The following SCN10A variants were observed in gnomAD, a reference collection of about 807,000 sequenced individuals.
SCN10A encodes the protein sodium channel protein type 10 subunit alpha.
Under a neutral mutation model 170.7 loss-of-function variants are expected in SCN10A, and 162 were observed. That is an observed-to-expected ratio of 0.95 (90% confidence interval 0.84 to 1.08). The LOEUF is 1.08. SCN10A is among the 50% of genes least tolerant of loss of function. SCN10A has a pLI of 0.00. For missense variants in SCN10A, 2,527 were observed against 2,436.9 expected (o/e 1.04, Z -0.78); for synonymous variants, 985 against 904.6 (o/e 1.09, Z -1.59).
At chr3:38,814,067 G>C (rs892697784) in intron 1 of SCN10A, among the ~76,000 whole-genome samples, 2 of 152,150 alleles carry the variant, frequency 1.3e-5, no homozygotes, top group African/African-American at 4.8e-5. Context: ...TCTAAAATGA[G>C]ACATGCACCA....
chr3:38,697,930 G>C lies in SCN10A; in HGVS notation c.5290C>G (p.Leu1764Val), dbSNP rs765298863. The C allele has an allele frequency of 3.7e-6, 6 of 1,614,048 alleles. No homozygotes were observed. The highest frequency in any genetic ancestry group is 5.1e-6 in the Non-Finnish European group (6 of 1,180,044). Residue 1764 changes from leucine (L) to valine (V), a missense_variant, in exon 28 of 28, where the codon CTC becomes GTC. Physicochemically the swap from Leu to Val is conservative, Grantham distance 32. Transcript: ENST00000449082. The part of the protein sequence containing the change: ...EATQFITFSA[L>V]SDFADTLSGP... ...GAGAGAGTGTCTGCAAAGTCCGAGA[G>C]AGCAGAAAAGGTAATAAACTGAGTG...
chr3:38,796,367 CCA>C (rs2064341870), intron 1 of SCN10A, among the ~76,000 whole-genome samples: 1 of 152,150 alleles, frequency 6.6e-6, no homozygotes, highest in African/African-American at 2.4e-5. Context: ...TACTGCTGGT[CCA>C]ATCACTGTCA....
intron 1 of SCN10A, among the ~76,000 whole-genome samples, chr3:38,810,593 C>T (rs1184460893): frequency 6.6e-6 from 1 of 152,158 alleles, no homozygotes; most frequent in Non-Finnish European, 1.5e-5. Flanking sequence ...TAGTTTATTT[C>T]TTTCCTGGCA....
At chr3:38,737,798 C>CTCTTTCTTTT (rs1553618374) in intron 15 of SCN10A, among the ~76,000 whole-genome samples, 1 of 93,626 alleles carries the variant, frequency 1.1e-5, no homozygotes, top group Non-Finnish European at 2.0e-5. Context: ...CCCTCCCTTC[C>CTCTTTCTTTT]TCTTTCTTTC....
At chr3:38,781,413 T>C (rs2064137285) in intron 4 of SCN10A, among the ~76,000 whole-genome samples, 1 of 152,068 alleles carries the variant, frequency 6.6e-6, no homozygotes, top group Non-Finnish European at 1.5e-5. Flanking sequence ...CTGGCATTGG[T>C]CAACAGAAAG....
chr3:38,725,152 T>C (rs1575959290), intron 18 of SCN10A, 22 bp downstream of exon 18: 1 of 1,567,046 alleles, frequency 6.4e-7, no homozygotes, highest in South Asian at 1.2e-5. Context: ...GTCCAACCTC[T>C]CCAGGAAGCT....
In SCN10A at chr3:38,746,073, A is replaced by ATGTGTG. The variant is rs1553619569; in HGVS notation, c.1868-3545_1868-3544insCACACA. 1.9e-3 allele frequency among the ~76,000 whole-genome samples: 180 copies of ATGTGTG among 94,864 alleles called. 6 individuals are homozygous for ATGTGTG. Among genetic ancestry groups the ATGTGTG allele is most frequent in the African/African-American group, 6.0e-3 (169 of 28,058 alleles). The allele number at this position is 94,864 out of a possible 152,430, so 62.2% of individuals were successfully genotyped here. ...TATGTGTGTGTATGTGTATATATAT[A>ATGTGTG]TATATATATATATATATATATATAT... On this transcript the variant is annotated intron_variant, in intron 13 of 27. Transcript: ENST00000449082.
intron 1 of SCN10A, among the ~76,000 whole-genome samples, chr3:38,805,163 G>T (rs1189404184): frequency 1.3e-5 from 2 of 152,110 alleles, no homozygotes; most frequent in African/African-American, 4.8e-5. Flanking sequence ...TTATCTGCAT[G>T]GTATGACTTA....
intron 8 of SCN10A, among the ~76,000 whole-genome samples, chr3:38,757,810 C>T (rs1228959764): frequency 1.3e-5 from 2 of 152,058 alleles, no homozygotes; most frequent in African/African-American, 4.8e-5. Context: ...CTGAAGATGG[C>T]CTATGAAGGA....
In SCN10A at chr3:38,763,529, A is replaced by G. The variant is rs1176532195; in HGVS notation, c.667T>C (p.Leu223=). 2 of 1,614,008 alleles carry G rather than the reference A, an allele frequency of 1.2e-6. No individual in the cohort carries two copies. Among genetic ancestry groups the G allele is most frequent in the South Asian group, 2.2e-5 (2 of 91,078 alleles). ...CCTGGGATCACAGAAACTGTTTTTAATGCTCTAAGAACTCTGAATGTCCGC... is the reference window on the plus strand; with the variant it reads ...CCTGGGATCACAGAAACTGTTTTTAGTGCTCTAAGAACTCTGAATGTCCGC... ...GLRTFRVLRA[L]KTVSVIPGLK... Residue 223 remains leucine (L), a synonymous_variant, in exon 6 of 28, where the codon TTA becomes CTA. Coordinates refer to ENST00000449082, the MANE Select transcript of SCN10A (RefSeq NM_006514.4).
At chr3:38,786,396 C>T (rs1232123968) in intron 4 of SCN10A, among the ~76,000 whole-genome samples, 3 of 151,910 alleles carry the variant, frequency 2.0e-5, no homozygotes, top group Non-Finnish European at 4.4e-5. Context: ...CCAAACACCG[C>T]ATGTTCTCAC....
At chr3:38,804,979 T>A (rs570169608) in intron 1 of SCN10A, among the ~76,000 whole-genome samples, 36 of 152,224 alleles carry the variant, frequency 2.4e-4, no homozygotes, top group Non-Finnish European at 3.5e-4. Flanking sequence ...ATGATTTTAG[T>A]CATGTAGACT....
chr3:38,771,704 TCTC>T (rs1469459895), intron 4 of SCN10A, among the ~76,000 whole-genome samples: 2 of 152,074 alleles, frequency 1.3e-5, no homozygotes, highest in African/African-American at 4.8e-5. Flanking sequence ...GAGCAAGGAT[TCTC>T]CTGTTTATGT....
At chr3:38,775,945 C>A (rs921362735) in intron 4 of SCN10A, among the ~76,000 whole-genome samples, 3 of 151,940 alleles carry the variant, frequency 2.0e-5, no homozygotes, top group African/African-American at 4.8e-5. Context: ...GTCTTCTCAA[C>A]CTTTAACATA....
chr3:38,697,266 G>C lies in SCN10A; in HGVS notation c.*83C>G. ...GGCATGCATTGGTGAGGCTGTAGCT[G>C]GGTGTGATCTGCAATGGGAAAGAGT... On this transcript the variant is annotated 3_prime_UTR_variant, in exon 28 of 28. Coordinates refer to ENST00000449082, the MANE Select transcript of SCN10A (RefSeq NM_006514.4). 1 of 1,553,138 alleles carries C rather than the reference G, an allele frequency of 6.4e-7. No individual in the cohort carries two copies. Among genetic ancestry groups the C allele is most frequent in the South Asian group, 1.2e-5 (1 of 80,586 alleles).
chr3:38,768,830 A>G (rs565625383), intron 5 of SCN10A, among the ~76,000 whole-genome samples: 2 of 152,284 alleles, frequency 1.3e-5, no homozygotes, highest in East Asian at 1.9e-4. Context: ...TTCCTCAATT[A>G]TTCCCTCAAA....
At position 38,718,661 on chromosome 3, in the gene SCN10A, T is replaced by G. The variant is rs1482614372; in HGVS notation, c.3673A>C (p.Ile1225Leu). 1 of 1,614,094 alleles carries G rather than the reference T, an allele frequency of 6.2e-7. No individual in the cohort carries two copies. The highest frequency in any genetic ancestry group is 8.5e-7 in the Non-Finnish European group (1 of 1,179,984). The change falls in exon 21 of 28, where the codon ATT (isoleucine) becomes CTT (leucine). Residue 1225 changes from isoleucine (I) to leucine (L), a missense_variant. Coordinates refer to ENST00000449082, the MANE Select transcript of SCN10A (RefSeq NM_006514.4). ...TNAWCWLDFL[I>L]VNISLISLTA... ...CCCACTGAGCCACTCACATTCACAA[T>G]GAGGAAGTCCAGCCAGCACCAGGCA...
At chr3:38,744,018 C>G (rs1344816032) in intron 13 of SCN10A, among the ~76,000 whole-genome samples, 1 of 152,114 alleles carries the variant, frequency 6.6e-6, no homozygotes, top group South Asian at 2.1e-4. Context: ...CAGATATCAG[C>G]CTATGTGGGC....
intron 17 of SCN10A, among the ~76,000 whole-genome samples, 190 bp downstream of exon 17, chr3:38,726,416 G>C (rs1037825542): frequency 6.6e-6 from 1 of 152,182 alleles, no homozygotes; most frequent in Admixed American, 6.5e-5. Context: ...CCCACTCCCT[G>C]TTTGTCTGCC....
Sources: gnomAD v4.1 joint callset for allele counts (sites outside exome capture counted in the v4.1 genomes callset) on GRCh38, gnomAD v4.1.1 for gene constraint, MANE v1.5 for transcripts, NCBI Gene and HGNC (gene_info 2026-07-23, HGNC 2026-07-21) for gene names.